The following BCAS3 variants were observed in gnomAD, a reference collection of about 807,000 sequenced individuals.
The protein encoded by BCAS3 is BCAS3 microtubule associated cell migration factor.
In BCAS3, 53 loss-of-function variants were observed where a neutral mutation model predicts 116.1. That is an observed-to-expected ratio of 0.46 (90% CI 0.37 to 0.57). BCAS3 has a LOEUF of 0.57. Among genes scored for constraint, BCAS3 ranks in the 20% least tolerant of loss-of-function variants. The pLI, the probability that BCAS3 is intolerant of heterozygous loss-of-function variation, is 0.00. For synonymous variants in BCAS3, 391 were observed against 408.2 expected, an observed-to-expected ratio of 0.96 and a Z score of 0.51; for missense variants, 917 against 1,165.4, an observed-to-expected ratio of 0.79 and a Z score of 3.10.
At position 60,708,661 on chromosome 17, in the gene BCAS3, G is replaced by C. The variant is rs147289943; in HGVS notation, c.215-558G>C. ...TTCTTGTGCCTCAGCCTCCCCATTA[G>C]CTGGGATTACAGGTGCGGCACCACA... On this transcript the variant is annotated intron_variant, in intron 4 of 23. Coordinates refer to ENST00000407086, the MANE Select transcript of BCAS3 (RefSeq NM_017679.5). Among the ~76,000 whole-genome samples the C allele has an allele frequency of 7.3e-3, 1,118 of 152,182 alleles. 11 individuals carry two copies. Among genetic ancestry groups the C allele is most frequent in the African/African-American group, 0.025 (1,041 of 41,514 alleles).
chr17:60,858,234 G>A (rs530162074), intron 7 of BCAS3, among the ~76,000 whole-genome samples: 4 of 152,206 alleles, frequency 2.6e-5, no homozygotes, highest in African/African-American at 7.2e-5. Context: ...TGTTCCAATT[G>A]TATGCATTTG....
rs1020457596 is a variant in BCAS3, at chr17:61,302,863, C to T, written c.2426-65464C>T. ...CATAGGGAGGATGTAGGGTCTAGAT[C>T]ACTTTCTAAATTCCTTTTCCACGAA... On this transcript the variant is annotated intron_variant, in intron 22 of 23. Coordinates refer to ENST00000407086, the MANE Select transcript of BCAS3 (RefSeq NM_017679.5). The surrounding 1 kb of genome is among the most constrained non-coding windows in gnomAD (Gnocchi z 4.4). 6.6e-6 allele frequency among the ~76,000 whole-genome samples: 1 copy of T among 152,210 alleles called. No individual in the cohort carries two copies. The highest frequency in any genetic ancestry group is 1.5e-5 in the Non-Finnish European group (1 of 68,046).
rs2042326225 is a variant in BCAS3, at chr17:60,750,096, G to A, written c.403+2817G>A. Among the ~76,000 whole-genome samples, 3 of 152,046 alleles carry A rather than the reference G, an allele frequency of 2.0e-5. No individual in the cohort carries two copies. The South Asian group carries it at 6.2e-4, about 32-fold the overall frequency. On this transcript the variant is annotated intron_variant, in intron 6 of 23. Coordinates refer to ENST00000407086, the MANE Select transcript of BCAS3 (RefSeq NM_017679.5). ...GCAGGAGAATTGTTTGAACTTGGGAGGCAGAGGTTGCAGTGAGCCGAGGTA... is the reference window on the plus strand; with the variant it reads ...GCAGGAGAATTGTTTGAACTTGGGAAGCAGAGGTTGCAGTGAGCCGAGGTA...
At chr17:60,770,606 A>G (rs2044581569) in intron 6 of BCAS3, among the ~76,000 whole-genome samples, 1 of 149,770 alleles carries the variant, frequency 6.7e-6, no homozygotes, top group South Asian at 2.1e-4. Flanking sequence ...TTTAGTAGAG[A>G]CAAGGTTTCA....
rs1029547967 is a variant in BCAS3, at chr17:61,151,554, C to T, written c.2425+66990C>T. On this transcript the variant is annotated intron_variant, in intron 22 of 23. Coordinates refer to ENST00000407086, the MANE Select transcript of BCAS3 (RefSeq NM_017679.5). The surrounding 1 kb of genome is among the most constrained non-coding windows in gnomAD (Gnocchi z 4.8). ...CAATCATGACTCACTGCAGCCTCAA[C>T]CTCCCTGGCTCAAGTGATCCTTCCA... is the stretch of plus-strand genomic sequence containing the variant. Among the ~76,000 whole-genome samples the T allele has an allele frequency of 5.9e-5, 9 of 152,062 alleles. No homozygotes were observed. Among genetic ancestry groups the T allele is most frequent in the Non-Finnish European group, 1.5e-5 (1 of 68,008 alleles).
chr17:61,075,193 T>TA (rs1344832908), intron 20 of BCAS3, among the ~76,000 whole-genome samples, 173 bp downstream of exon 20: 1 of 152,226 alleles, frequency 6.6e-6, no homozygotes, highest in Non-Finnish European at 1.5e-5. Flanking sequence ...CAGGTGTACA[T>TA]ATACATATTA....
intron 23 of BCAS3, among the ~76,000 whole-genome samples, chr17:61,375,247 T>TGTGCGCGCACAC (rs1031489813): frequency 1.5e-5 from 2 of 129,760 alleles, no homozygotes; most frequent in African/African-American, 9.1e-5. Context: ...TGTGTGTGTG[T>TGTGCGCGCACAC]GTGTGTGTAC....
intron 22 of BCAS3, among the ~76,000 whole-genome samples, chr17:61,270,869 C>T (rs60159294): frequency 0.11 from 17,449 of 152,084 alleles, 1,186 homozygotes; most frequent in South Asian, 0.19. Context: ...AAGCAATTCT[C>T]CTGCCTCAGC....
intron 22 of BCAS3, among the ~76,000 whole-genome samples, chr17:61,209,974 T>A (rs2081360733): frequency 6.6e-6 from 1 of 152,140 alleles, no homozygotes; most frequent in African/African-American, 2.4e-5. Context: ...CCTGGATCAT[T>A]TTGTAGGGGA....
chr17:61,330,763 G>A lies in BCAS3; in HGVS notation c.2426-37564G>A, dbSNP rs578196472. On this transcript the variant is annotated intron_variant, in intron 22 of 23. Transcript: ENST00000407086. Reference sequence around the variant, plus strand: ...CAATGGCCAGGGAATGAGGAGACCCGAGTTCTAATCCCAGCACTATCACTG... The same window carrying A: ...CAATGGCCAGGGAATGAGGAGACCCAAGTTCTAATCCCAGCACTATCACTG... 3.9e-5 allele frequency among the ~76,000 whole-genome samples: 6 copies of A among 152,306 alleles called. No individual in the cohort carries two copies. In the East Asian group the frequency reaches 5.8e-4, roughly 15 times the overall value.
chr17:61,057,200 A>G (rs2069472153), intron 19 of BCAS3, among the ~76,000 whole-genome samples: 1 of 152,214 alleles, frequency 6.6e-6, no homozygotes, highest in African/African-American at 2.4e-5. Flanking sequence ...CTGTGGTGTT[A>G]AAAGGTGTGT....
chr17:61,033,064 CTG>C (rs2066759248), intron 16 of BCAS3, among the ~76,000 whole-genome samples: 1 of 152,240 alleles, frequency 6.6e-6, no homozygotes, highest in Admixed American at 6.5e-5. Flanking sequence ...AACTGGGAAA[CTG>C]AGATTACCAA....
chr17:60,709,379 A>G (rs2037572100), intron 5 of BCAS3, 54 bp downstream of exon 5: 9 of 1,110,494 alleles, frequency 8.1e-6, no homozygotes, highest in Non-Finnish European at 1.2e-5. Flanking sequence ...ATGTTAGCTT[A>G]TGTGAAATCT....
intron 5 of BCAS3, among the ~76,000 whole-genome samples, chr17:60,714,738 G>A (rs1037015124): frequency 6.6e-6 from 1 of 152,258 alleles, no homozygotes; most frequent in Non-Finnish European, 1.5e-5. Flanking sequence ...GTCTATTGAA[G>A]TGTGTAGATG....
At chr17:61,230,080 A>C (rs181863016) in intron 22 of BCAS3, among the ~76,000 whole-genome samples, 1 of 151,992 alleles carries the variant, frequency 6.6e-6, no homozygotes, top group Non-Finnish European at 1.5e-5. Context: ...AGCTGAGATC[A>C]TGCCACTGCA....
intron 7 of BCAS3, among the ~76,000 whole-genome samples, chr17:60,847,733 G>A (rs1175508330): frequency 6.6e-6 from 1 of 151,928 alleles, no homozygotes; most frequent in East Asian, 1.9e-4. Context: ...AATATATTCA[G>A]AATATTAGAC....
rs1336871063 is a variant in BCAS3, at chr17:61,171,317, G to T, written c.2425+86753G>T. ...TCAGTTAACAAATGAGATAAAAATG[G>T]CATCCTAAAAATATTCAGTAGATCC... On this transcript the variant is annotated intron_variant, in intron 22 of 23. Transcript: ENST00000407086. This position sits in a 1 kb window ranked among gnomAD's most constrained non-coding sequence, Gnocchi z 4.1. Among the ~76,000 whole-genome samples the T allele has an allele frequency of 6.6e-6, 1 of 151,794 alleles. No individual in the cohort carries two copies. Among genetic ancestry groups the T allele is most frequent in the African/African-American group, 2.4e-5 (1 of 41,302 alleles).
chr17:60,690,756 A>G (rs918491113), intron 4 of BCAS3, among the ~76,000 whole-genome samples: 2 of 151,614 alleles, frequency 1.3e-5, no homozygotes, highest in East Asian at 2.0e-4. Flanking sequence ...CCTCGTCTCT[A>G]CTAAAAATAC....
intron 19 of BCAS3, among the ~76,000 whole-genome samples, chr17:61,059,020 A>G (rs184089257): frequency 3.5e-4 from 49 of 139,522 alleles, no homozygotes; most frequent in Non-Finnish European, 4.2e-4. Flanking sequence ...CTATCTGTAC[A>G]GCTTTAGGCA....
Sources: allele counts gnomAD v4.1 joint callset (sites outside exome capture counted in the v4.1 genomes callset), GRCh38; gene constraint gnomAD v4.1.1; non-coding constraint Gnocchi (gnomAD v3.1); transcripts MANE v1.5; gene names NCBI Gene and HGNC (gene_info 2026-07-23, HGNC 2026-07-21).